Variants in ATRNL1 observed in about 807,000 individuals in gnomAD.
ATRNL1 encodes the protein attractin-like protein 1.
In ATRNL1, 95 loss-of-function variants were observed where a neutral mutation model predicts 182.7. The observed-to-expected ratio is 0.52, with a 90% CI of 0.44 to 0.62. The LOEUF is 0.62. Ranked by LOEUF, ATRNL1 falls within the 20% of genes least tolerant of loss-of-function variation. The probability of loss-of-function intolerance (pLI) is 0.00; values close to 1 mark genes in which losing one functional copy is unlikely to be tolerated. For synonymous variants in ATRNL1, 576 were observed against 568.3 expected, an observed-to-expected ratio of 1.01 and a Z score of -0.19; for missense variants, 1,471 against 1,679.5, an observed-to-expected ratio of 0.88 and a Z score of 2.17.
chr10:115,270,352 TATAAACA>T (rs1851798676), intron 13 of ATRNL1, among the ~76,000 whole-genome samples: 7 of 145,934 alleles, frequency 4.8e-5, no homozygotes, highest in East Asian at 2.0e-4. Context: ...TATACAGATA[TATAAACA>T]AATATATAAA....
At chr10:115,448,890 A>G (rs192532749) in intron 21 of ATRNL1, among the ~76,000 whole-genome samples, 40 of 152,188 alleles carry the variant, frequency 2.6e-4, no homozygotes, top group Admixed American at 2.1e-3. Context: ...AACAACAACA[A>G]CAAGCATAGG....
intron 10 of ATRNL1, among the ~76,000 whole-genome samples, chr10:115,253,554 T>G (rs1393504209): frequency 6.6e-6 from 1 of 152,148 alleles, no homozygotes; most frequent in African/African-American, 2.4e-5. Context: ...TAAAAATTTA[T>G]TTTTCACCCA....
In ATRNL1 at chr10:115,892,672, G is replaced by A. The variant is rs111814243; in HGVS notation, c.4018+44681G>A. Among the ~76,000 whole-genome samples, 278 of 152,220 alleles carry A rather than the reference G, an allele frequency of 1.8e-3. 1 individual carries two copies. The highest frequency in any genetic ancestry group is 5.8e-3 in the African/African-American group (243 of 41,550). Reference sequence around the variant, plus strand: ...AAGCCACCCATCTTATTAAGTCATAGCACTGCATACTACATAATGGATTTG... The same window carrying A: ...AAGCCACCCATCTTATTAAGTCATAACACTGCATACTACATAATGGATTTG... On this transcript the variant is annotated intron_variant, in intron 28 of 28. Transcript: ENST00000355044.
At chr10:115,289,111 A>G (rs1247551918) in intron 15 of ATRNL1, among the ~76,000 whole-genome samples, 3 of 152,154 alleles carry the variant, frequency 2.0e-5, no homozygotes, top group African/African-American at 4.8e-5. Flanking sequence ...CACATGTTAC[A>G]TGGATGGCAG....
chr10:115,720,938 G>A (rs1947402888), intron 26 of ATRNL1, among the ~76,000 whole-genome samples: 1 of 152,190 alleles, frequency 6.6e-6, no homozygotes, highest in African/African-American at 2.4e-5. Flanking sequence ...ACTTAAGGAA[G>A]TAGAGTTACA....
chr10:115,368,223 C>T (rs773849419), intron 19 of ATRNL1, among the ~76,000 whole-genome samples: 3 of 152,232 alleles, frequency 2.0e-5, no homozygotes, highest in Non-Finnish European at 2.9e-5. Context: ...GATATAATCT[C>T]GCGGTGCGCC....
intron 26 of ATRNL1, among the ~76,000 whole-genome samples, chr10:115,679,828 C>A (rs1945991467): frequency 6.6e-6 from 1 of 152,054 alleles, no homozygotes; most frequent in Non-Finnish European, 1.5e-5. Flanking sequence ...TTTTTGGACT[C>A]TCTGAATTCC....
intron 26 of ATRNL1, among the ~76,000 whole-genome samples, chr10:115,563,622 T>C (rs1853893941): frequency 6.6e-6 from 1 of 152,196 alleles, no homozygotes; most frequent in Non-Finnish European, 1.5e-5. Context: ...ATAATTTTAT[T>C]GTGATTTGAA....
At chr10:115,875,919 A>T (rs558612078) in intron 28 of ATRNL1, among the ~76,000 whole-genome samples, 76 of 152,364 alleles carry the variant, frequency 5.0e-4, no homozygotes, top group Middle Eastern at 3.4e-3. Flanking sequence ...TCTAGCAGAA[A>T]CTTTGAAGGA....
At chr10:115,594,096 A>G (rs1389817216) in intron 26 of ATRNL1, among the ~76,000 whole-genome samples, 2 of 152,118 alleles carry the variant, frequency 1.3e-5, no homozygotes, top group Admixed American at 6.6e-5. Context: ...TTCAGAAGAA[A>G]TAAAACTATA....
chr10:115,107,877 T>C (rs782277896), intron 1 of ATRNL1, among the ~76,000 whole-genome samples: 3 of 152,120 alleles, frequency 2.0e-5, no homozygotes, highest in Non-Finnish European at 2.9e-5. Flanking sequence ...AGGGAGCAGA[T>C]ACTTGAGGCA....
intron 26 of ATRNL1, among the ~76,000 whole-genome samples, chr10:115,637,499 G>A (rs535721406): frequency 4.0e-5 from 6 of 151,540 alleles, no homozygotes; most frequent in Non-Finnish European, 8.8e-5. Context: ...TTGTATAGCA[G>A]TATGTATGTT....
At chr10:115,229,632 G>T (rs1849843243) in intron 9 of ATRNL1, among the ~76,000 whole-genome samples, 1 of 151,904 alleles carries the variant, frequency 6.6e-6, no homozygotes, top group Non-Finnish European at 1.5e-5. Flanking sequence ...AGATATCAGA[G>T]ATTTATTAAA....
chr10:115,202,946 C>T (rs1326207401), intron 8 of ATRNL1, among the ~76,000 whole-genome samples: 3 of 151,030 alleles, frequency 2.0e-5, no homozygotes, highest in South Asian at 2.1e-4. Flanking sequence ...CAACTTCTTC[C>T]TGGTTTAGTC....
Position 115,292,727 on chromosome 10 carries a change from T to C in ATRNL1, c.2415+6330T>C, listed in dbSNP as rs1852978305. On this transcript the variant is annotated intron_variant, in intron 15 of 28. Coordinates refer to ENST00000355044, the MANE Select transcript of ATRNL1 (RefSeq NM_207303.4). The stretch of plus-strand genomic sequence containing the variant: ...TTCCATTGTGGTCATGTAAGATAGT[T>C]GGTATGATTTTGATTTTTAAAAATT... Among the ~76,000 whole-genome samples the C allele has an allele frequency of 6.6e-5, 10 of 152,264 alleles. No individual in the cohort carries two copies. The South Asian group carries it at 2.1e-3, about 32-fold the overall frequency.
intron 27 of ATRNL1, among the ~76,000 whole-genome samples, chr10:115,737,561 G>A (rs1446854100): frequency 6.6e-6 from 1 of 152,080 alleles, no homozygotes; most frequent in Admixed American, 6.6e-5. Context: ...GTTCTCTTTG[G>A]ATTGCCATTC....
intron 26 of ATRNL1, among the ~76,000 whole-genome samples, chr10:115,602,654 G>A (rs1370074076): frequency 1.3e-5 from 2 of 152,112 alleles, no homozygotes; most frequent in African/African-American, 4.8e-5. Context: ...ACAAGATCAG[G>A]AGATCGAGAC....
In ATRNL1 at chr10:115,171,123, G is replaced by C; in HGVS notation, c.1179G>C (p.Gln393His). Residue 393 changes from glutamine to histidine, a missense_variant, in exon 8 of 29, where the codon CAG becomes CAC. Gln to His is a conservative substitution (Grantham distance 24). Around this residue, in one of 3 missense-constraint regions of ATRNL1, gnomAD observed 1,031 missense variants for 1,156.0 expected, o/e 0.89. Transcript: ENST00000355044. ...DELWVFNIHS[Q>H]SWSTKTPTVL... The stretch of plus-strand genomic sequence containing the variant: ...TATGGGTTTTTAACATACATAGTCA[G>C]TCATGGAGTACAAAAACTCCTACTG... 6.2e-7 allele frequency: 1 copy of C among 1,610,266 alleles called. No homozygotes were observed. Among genetic ancestry groups the C allele is most frequent in the Non-Finnish European group, 8.5e-7 (1 of 1,177,542 alleles).
At chr10:115,554,937 A>T (rs1428659639) in intron 26 of ATRNL1, among the ~76,000 whole-genome samples, 1 of 151,830 alleles carries the variant, frequency 6.6e-6, no homozygotes, top group Non-Finnish European at 1.5e-5. Context: ...GATTTATTCT[A>T]AAAAATGTAG....
Sources: allele counts gnomAD v4.1 joint callset (sites outside exome capture counted in the v4.1 genomes callset), GRCh38; gene constraint gnomAD v4.1.1; regional missense constraint gnomAD v4.1.1; transcripts MANE v1.5; gene names NCBI Gene and HGNC (gene_info 2026-07-23, HGNC 2026-07-21).